The following GATAD2A variants were observed in gnomAD, a reference collection of about 807,000 sequenced individuals.
GATAD2A encodes the protein transcriptional repressor p66-alpha.
Under a neutral mutation model 68.5 loss-of-function variants are expected in GATAD2A, and 12 were observed. That is an observed-to-expected ratio of 0.18 (90% CI 0.11 to 0.28). GATAD2A has a LOEUF of 0.28. GATAD2A is among the 10% of genes least tolerant of loss of function. The probability of loss-of-function intolerance (pLI) is 1.00; values close to 1 mark genes in which losing one functional copy is unlikely to be tolerated. For synonymous variants in GATAD2A, 410 were observed against 375.3 expected, an observed-to-expected ratio of 1.09 and a Z score of -1.07; for missense variants, 755 against 868.5, an observed-to-expected ratio of 0.87 and a Z score of 1.64.
chr19:19,419,094 C>T (rs1183008380), intron 1 of GATAD2A, among the ~76,000 whole-genome samples: 1 of 152,142 alleles, frequency 6.6e-6, no homozygotes, highest in East Asian at 1.9e-4. Flanking sequence ...CCCGTCCCCT[C>T]CCCCTGGTCT....
intron 2 of GATAD2A, among the ~76,000 whole-genome samples, chr19:19,487,820 G>A (rs898758921): frequency 2.6e-5 from 4 of 152,176 alleles, no homozygotes; most frequent in African/African-American, 4.8e-5. Flanking sequence ...TTGCACAAGG[G>A]ACAAGTGAGC....
intron 1 of GATAD2A, among the ~76,000 whole-genome samples, chr19:19,400,512 T>C (rs1248318296): frequency 6.6e-6 from 1 of 152,140 alleles, no homozygotes; most frequent in Admixed American, 6.5e-5. Context: ...GTGAGAATGT[T>C]GTGAATGCAA....
chr19:19,454,027 C>T (rs1231058086), intron 1 of GATAD2A, among the ~76,000 whole-genome samples: 3 of 138,408 alleles, frequency 2.2e-5, no homozygotes, highest in Non-Finnish European at 4.7e-5. Flanking sequence ...GACAGAGTTT[C>T]GTTCTTGTTG....
At chr19:19,440,919 CCCTTTCCTT>C (rs1335405146) in intron 1 of GATAD2A, among the ~76,000 whole-genome samples, 1 of 115,620 alleles carries the variant, frequency 8.6e-6, no homozygotes, top group African/African-American at 3.2e-5. Context: ...TTCCTTCCTT[CCCTTTCCTT>C]CCTTTTCTTC....
chr19:19,426,555 G>A (rs1825784610), intron 1 of GATAD2A, among the ~76,000 whole-genome samples: 1 of 152,122 alleles, frequency 6.6e-6, no homozygotes, highest in South Asian at 2.1e-4. Flanking sequence ...CTTTTGCCCA[G>A]GCTGGAATAC....
chr19:19,501,680 A>G (rs990336029), intron 9 of GATAD2A, among the ~76,000 whole-genome samples: 1 of 152,224 alleles, frequency 6.6e-6, no homozygotes, highest in Non-Finnish European at 1.5e-5. Context: ...GTTTGGAAAA[A>G]TGTTCTTGCT....
chr19:19,500,977 A>C (rs1201679902), intron 8 of GATAD2A, 141 bp from the exon 9 acceptor site: 4 of 744,556 alleles, frequency 5.4e-6, no homozygotes, highest in Non-Finnish European at 8.8e-6. Flanking sequence ...CCCCATGTCC[A>C]CATGTCATTG....
chr19:19,479,479 G>T (rs527827284), intron 2 of GATAD2A, among the ~76,000 whole-genome samples: 17 of 152,078 alleles, frequency 1.1e-4, no homozygotes, highest in Non-Finnish European at 2.4e-4. Flanking sequence ...TAATCCTTGC[G>T]TCTCCCTAGA....
chr19:19,398,655 C>T lies in GATAD2A; in HGVS notation c.-7+12517C>T, dbSNP rs546934009. On this transcript the variant is annotated intron_variant, in intron 1 of 11. Coordinates refer to the GATAD2A transcript ENST00000360315. ...GCCTAGAACAATTTAAACTTACTTT[C>T]GGCTGGGTGTGGTGGCTCACGCCTG... 8.1e-5 allele frequency among the ~76,000 whole-genome samples: 12 copies of T among 149,026 alleles called. No homozygotes were observed. The South Asian group carries it at 9.4e-4, about 12-fold the overall frequency.
At chr19:19,495,099 C>T (rs1337653795) in intron 5 of GATAD2A, among the ~76,000 whole-genome samples, 2 of 150,590 alleles carry the variant, frequency 1.3e-5, no homozygotes, top group Non-Finnish European at 3.0e-5. Context: ...AGGCTTAAGC[C>T]ATCCTCCTGC....
intron 1 of GATAD2A, among the ~76,000 whole-genome samples, chr19:19,415,411 T>TC (rs1029454745): frequency 6.6e-6 from 1 of 151,128 alleles, no homozygotes; most frequent in Admixed American, 6.6e-5. Context: ...CGCTTTGGCC[T>TC]CCCAAAGCCC....
At chr19:19,496,644 C>T (rs573925279) in intron 7 of GATAD2A, among the ~76,000 whole-genome samples, 4 of 152,338 alleles carry the variant, frequency 2.6e-5, no homozygotes, top group Admixed American at 6.5e-5. Context: ...TGGCTTCTTC[C>T]GATTGCCTCC....
intron 1 of GATAD2A, among the ~76,000 whole-genome samples, chr19:19,430,988 T>TGTGTGC (rs2053673519): frequency 7.2e-6 from 1 of 139,644 alleles, no homozygotes; most frequent in African/African-American, 2.5e-5. Flanking sequence ...TGTGTGTGTG[T>TGTGTGC]GTGTGTGTGT....
intron 7 of GATAD2A, among the ~76,000 whole-genome samples, chr19:19,497,619 G>A (rs1023792354): frequency 6.6e-6 from 1 of 152,160 alleles, no homozygotes; most frequent in African/African-American, 2.4e-5. Context: ...ACCTTTCTTG[G>A]GGGGTGGGAC....
At chr19:19,462,396 GC>G (rs1007908009) in intron 1 of GATAD2A, among the ~76,000 whole-genome samples, 34 of 152,180 alleles carry the variant, frequency 2.2e-4, no homozygotes, top group African/African-American at 7.5e-4. Context: ...TCGGGGGCTG[GC>G]CCCACCCCCT....
intron 2 of GATAD2A, among the ~76,000 whole-genome samples, chr19:19,474,348 A>G (rs1055664628): frequency 1.3e-5 from 2 of 152,046 alleles, no homozygotes; most frequent in East Asian, 1.9e-4. Context: ...TTAGGTCACA[A>G]ACTTTATCAC....
intron 1 of GATAD2A, among the ~76,000 whole-genome samples, chr19:19,428,614 G>A (rs1320505868): frequency 2.0e-5 from 3 of 152,202 alleles, no homozygotes; most frequent in Non-Finnish European, 2.9e-5. Context: ...TGGTTTGGAG[G>A]GAGGCCTGGA....
At chr19:19,501,489 C>A in intron 9 of GATAD2A, 73 bp downstream of exon 9, 1 of 1,157,764 alleles carries the variant, frequency 8.6e-7, no homozygotes, top group Non-Finnish European at 1.2e-6. Flanking sequence ...CCCACGCCTG[C>A]GCTGCACCGC....
At chr19:19,453,622 C>T (rs1009319862) in intron 1 of GATAD2A, among the ~76,000 whole-genome samples, 3 of 151,768 alleles carry the variant, frequency 2.0e-5, no homozygotes, top group Admixed American at 6.6e-5. Flanking sequence ...CAGCTTCCTG[C>T]GTAGCTGAGA....
Sources: gnomAD v4.1 joint callset for allele counts (sites outside exome capture counted in the v4.1 genomes callset) on GRCh38, gnomAD v4.1.1 for gene constraint, MANE v1.5 for transcripts, NCBI Gene and HGNC (gene_info 2026-07-23, HGNC 2026-07-21) for gene names.